HYDIN: variants seen among roughly 807,000 people sequenced by gnomAD.
The protein encoded by HYDIN is HYDIN axonemal central pair apparatus protein.
A neutral mutation model predicts 403.9 loss-of-function variants in HYDIN; 132 were observed. That is an observed-to-expected ratio of 0.33 (90% CI 0.28 to 0.38). The LOEUF (loss-of-function observed/expected upper bound fraction) is 0.38. Among genes scored for constraint, HYDIN ranks in the 10% least tolerant of loss-of-function variants. The pLI is 1.00. For synonymous variants in HYDIN, 1,202 were observed against 1,891.7 expected (o/e 0.64, Z 9.46); for missense variants, 2,827 against 5,009.5 (o/e 0.56, Z 13.15).
intron 55 of HYDIN, chr16:70,894,153 A>C (rs553940416): frequency 4.6e-4 from 168 of 367,124 alleles, no homozygotes; most frequent in Non-Finnish European, 7.1e-4. Context: ...GGCCAGGTAC[A>C]TCCGGGCCAC....
intron 1 of HYDIN, among the ~76,000 whole-genome samples, chr16:71,201,597 C>T (rs1418138301): frequency 6.6e-6 from 1 of 152,162 alleles, no homozygotes; most frequent in African/African-American, 2.4e-5. Context: ...TTGGGGTGAA[C>T]TGCTGCAAGA....
At chr16:70,971,876 T>C (rs961225507) in intron 35 of HYDIN, among the ~76,000 whole-genome samples, 1 of 151,978 alleles carries the variant, frequency 6.6e-6, no homozygotes, top group African/African-American at 2.4e-5. Flanking sequence ...TGGATGTCAC[T>C]GATTTCTTGG....
In HYDIN at chr16:71,060,595, T is replaced by C. The variant is rs1332560277; in HGVS notation, c.2438A>G (p.Asp813Gly). The C allele has an allele frequency of 1.5e-6, 1 of 654,786 alleles. No individual in the cohort carries two copies. Among genetic ancestry groups the C allele is most frequent in the Non-Finnish European group, 2.7e-6 (1 of 368,544 alleles). The allele number at this position is 654,786 out of a possible 1,614,324, so 40.6% of individuals were successfully genotyped here. ...TTTTAGGACGTAGATATTCCCGAAG[T>C]CCACTTGATTGGGATGGACGTAGAT... ...PVIYVHPNQVDFGNIYVLKDS... is the reference protein window; with the variant it reads ...PVIYVHPNQVGFGNIYVLKDS... The change falls in exon 18 of 86, where the codon GAC becomes GGC. Residue 813 changes from aspartate to glycine, a missense_variant. Transcript: ENST00000393567.
intron 47 of HYDIN, among the ~76,000 whole-genome samples, chr16:70,910,053 T>C (rs1477524322): frequency 1.3e-5 from 2 of 152,018 alleles, no homozygotes; most frequent in African/African-American, 2.4e-5. Context: ...AGTTCCTATA[T>C]TGTGTTTTGT....
intron 75 of HYDIN, among the ~76,000 whole-genome samples, chr16:70,846,479 G>A (rs1368822453): frequency 6.7e-6 from 1 of 148,774 alleles, no homozygotes; most frequent in African/African-American, 2.5e-5. Context: ...GTCAATTTTG[G>A]AATAGGTGTG....
intron 41 of HYDIN, among the ~76,000 whole-genome samples, chr16:70,946,712 G>C (rs1046990950): frequency 3.3e-5 from 5 of 152,166 alleles, no homozygotes; most frequent in African/African-American, 1.2e-4. Flanking sequence ...GTGAGAAGAT[G>C]GCTGTGGGAA....
At chr16:71,221,891 A>G (rs1358086084) in intron 1 of HYDIN, among the ~76,000 whole-genome samples, 1 of 152,260 alleles carries the variant, frequency 6.6e-6, no homozygotes, top group East Asian at 1.9e-4. Flanking sequence ...TAAACAGACC[A>G]TAGCCTACTC....
At position 70,860,784 on chromosome 16, in the gene HYDIN, G is replaced by A; in HGVS notation, c.11895C>T (p.Arg3965=). 1.6e-6 allele frequency: 1 copy of A among 612,236 alleles called. No homozygotes were observed. Among genetic ancestry groups the A allele is most frequent in the Non-Finnish European group, 2.8e-6 (1 of 351,560 alleles). The allele number at this position is 612,236 out of a possible 1,614,324, so 37.9% of individuals were successfully genotyped here. The change falls in exon 70 of 86, where the codon CGC becomes CGT. Residue 3965 remains arginine (R), a synonymous_variant. Coordinates refer to ENST00000393567, the MANE Select transcript of HYDIN (RefSeq NM_001270974.2). ...CACTGGACCCTCGGAGCTCTGGGTT[G>A]CGCTGATGGCCACTTATGTAGTCCG... The part of the protein sequence containing the change: ...KDSDYISGHQ[R]NPELRGSSGG...
chr16:70,821,933 A>G (rs2036293296), intron 83 of HYDIN, among the ~76,000 whole-genome samples: 1 of 152,102 alleles, frequency 6.6e-6, no homozygotes, highest in South Asian at 2.1e-4. Flanking sequence ...CTTTCAAAAT[A>G]TTACTTCTCT....
At chr16:70,979,865 A>G (rs891783919) in intron 29 of HYDIN, among the ~76,000 whole-genome samples, 9 of 152,190 alleles carry the variant, frequency 5.9e-5, no homozygotes, top group Non-Finnish European at 1.0e-4. Context: ...TGGAGGTTGC[A>G]GGGAGCTGAG....
intron 75 of HYDIN, among the ~76,000 whole-genome samples, chr16:70,848,032 T>C (rs1388989609): frequency 7.0e-6 from 1 of 143,216 alleles, no homozygotes; most frequent in Non-Finnish European, 1.5e-5. Context: ...TCAAGTTTGC[T>C]GATTTTTTCT....
chr16:71,105,575 T>C (rs998986625), intron 10 of HYDIN, among the ~76,000 whole-genome samples: 1 of 73,318 alleles, frequency 1.4e-5, no homozygotes, highest in African/African-American at 5.4e-5. Context: ...AGAAAGCAAA[T>C]GGACAATGAG....
intron 18 of HYDIN, among the ~76,000 whole-genome samples, chr16:71,051,507 G>T (rs1369701157): frequency 6.6e-6 from 1 of 151,960 alleles, no homozygotes; most frequent in African/African-American, 2.4e-5. Context: ...TTAGCCGGAC[G>T]TGGTGGCGGG....
intron 5 of HYDIN, among the ~76,000 whole-genome samples, chr16:71,174,756 TGA>T (rs2086599810): frequency 6.6e-6 from 1 of 152,164 alleles, no homozygotes; most frequent in Admixed American, 6.5e-5. Context: ...GCAGTGGTAC[TGA>T]GAGAAAATGG....
intron 11 of HYDIN, among the ~76,000 whole-genome samples, chr16:71,092,360 C>T (rs1254056873): frequency 6.6e-6 from 1 of 152,158 alleles, no homozygotes; most frequent in African/African-American, 2.4e-5. Flanking sequence ...TGGAAGAGAG[C>T]ACCTGCTCAC....
At chr16:71,051,919 G>T (rs942701792) in intron 18 of HYDIN, among the ~76,000 whole-genome samples, 2 of 152,174 alleles carry the variant, frequency 1.3e-5, no homozygotes, top group African/African-American at 4.8e-5. Context: ...TTATTATCTA[G>T]TTAGAAAATT....
rs2143605804 is a variant in HYDIN, at chr16:70,857,882, A to G, written c.12130-12T>C. The G allele has an allele frequency of 3.1e-6, 5 of 1,612,780 alleles. No individual in the cohort carries two copies. Among genetic ancestry groups the G allele is most frequent in the Non-Finnish European group, 4.2e-6 (5 of 1,179,464 alleles). Reference sequence around the variant, plus strand: ...AACTGGAACACGATCTAACAAGACAATTTGGAACAGAGTGGTAAAAGACAC... The same window carrying G: ...AACTGGAACACGATCTAACAAGACAGTTTGGAACAGAGTGGTAAAAGACAC... On this transcript the variant is annotated splice_polypyrimidine_tract_variant and intron_variant, in intron 71 of 85. Coordinates refer to ENST00000393567, the MANE Select transcript of HYDIN (RefSeq NM_001270974.2).
At chr16:71,086,773 C>T (rs2082941648) in intron 12 of HYDIN, among the ~76,000 whole-genome samples, 3 of 152,064 alleles carry the variant, frequency 2.0e-5, no homozygotes, top group African/African-American at 7.2e-5. Context: ...CCTCATGGGA[C>T]TAGAGGATCC....
chr16:71,176,305 C>CA (rs530492551), intron 4 of HYDIN, among the ~76,000 whole-genome samples: 2,597 of 68,694 alleles, frequency 0.038, 36 homozygotes, highest in African/African-American at 0.073. Flanking sequence ...GACTCTGTCT[C>CA]AAAAAAAAAA....
Sources: gnomAD v4.1 joint callset for allele counts (sites outside exome capture counted in the v4.1 genomes callset) on GRCh38, gnomAD v4.1.1 for gene constraint, MANE v1.5 for transcripts, NCBI Gene and HGNC (gene_info 2026-07-23, HGNC 2026-07-21) for gene names.